RPS6KA2: variants seen among roughly 807,000 people sequenced by gnomAD.
The protein encoded by RPS6KA2 is ribosomal protein S6 kinase A2, also known as ribosomal protein S6 kinase alpha-2.
In RPS6KA2, 42 loss-of-function variants were observed where a neutral mutation model predicts 91.8. The ratio of observed to expected loss-of-function variants is 0.46; its 90% CI spans 0.36 to 0.59. RPS6KA2 has a LOEUF of 0.59. Ranked by LOEUF, RPS6KA2 falls within the 20% of genes least tolerant of loss-of-function variation. The probability of loss-of-function intolerance (pLI) is 0.00; values close to 1 mark genes in which losing one functional copy is unlikely to be tolerated. For missense variants in RPS6KA2, 798 were observed against 978.5 expected (o/e 0.82, Z 2.46); for synonymous variants, 414 against 393.6 (o/e 1.05, Z -0.61).
At chr6:166,771,161 G>A (rs891260244) in intron 2 of RPS6KA2, among the ~76,000 whole-genome samples, 2 of 152,122 alleles carry the variant, frequency 1.3e-5, no homozygotes, top group African/African-American at 4.8e-5. Flanking sequence ...TTAGCCAAAG[G>A]AAGTGATGGT....
At chr6:166,413,563 C>T (rs1205607186) in intron 20 of RPS6KA2, among the ~76,000 whole-genome samples, 1 of 152,198 alleles carries the variant, frequency 6.6e-6, no homozygotes, top group Non-Finnish European at 1.5e-5. Context: ...AACAGCCACA[C>T]CAGCTGCCAC....
intron 2 of RPS6KA2, among the ~76,000 whole-genome samples, chr6:166,824,056 G>C (rs1158840740): frequency 6.6e-6 from 1 of 151,834 alleles, no homozygotes; most frequent in Non-Finnish European, 1.5e-5. Flanking sequence ...GGTTGGTTGT[G>C]TATGTGTGTG....
chr6:166,605,653 G>C (rs1785927475), intron 1 of RPS6KA2, among the ~76,000 whole-genome samples: 1 of 152,186 alleles, frequency 6.6e-6, no homozygotes, highest in Non-Finnish European at 1.5e-5. Context: ...TAATGTGAAA[G>C]GGCCACGTGA....
intron 1 of RPS6KA2, among the ~76,000 whole-genome samples, chr6:166,614,340 A>G (rs1786317898): frequency 6.6e-6 from 1 of 152,124 alleles, no homozygotes; most frequent in African/African-American, 2.4e-5. Flanking sequence ...CGAGCCCTCT[A>G]TCGTAATACC....
chr6:166,838,535 C>G (rs969157338), intron 2 of RPS6KA2, among the ~76,000 whole-genome samples: 2 of 152,200 alleles, frequency 1.3e-5, no homozygotes, highest in African/African-American at 4.8e-5. Flanking sequence ...AGTCCACGTT[C>G]AAAGTCCCCC....
chr6:166,549,673 T>A (rs1175574660), intron 1 of RPS6KA2, among the ~76,000 whole-genome samples: 1 of 151,920 alleles, frequency 6.6e-6, no homozygotes, highest in East Asian at 1.9e-4. Context: ...TGTGTGTCCA[T>A]AAAAGGGTAC....
Position 166,508,035 on chromosome 6 carries a change from T to C in RPS6KA2, c.459+168A>G, listed in dbSNP as rs9459684. On this transcript the variant is annotated intron_variant, in intron 5 of 20. Coordinates refer to ENST00000265678, the MANE Select transcript of RPS6KA2 (RefSeq NM_021135.6). The surrounding 1 kb of genome is among the most constrained non-coding windows in gnomAD (Gnocchi z 4.3). ...TTGCACACACTCACACATGTACACC[T>C]CTCCCACACACGCACTCTTGCACAC... Among the ~76,000 whole-genome samples the C allele has an allele frequency of 0.26, 35,968 of 136,908 alleles. 4,643 individuals carry two copies. The highest frequency in any genetic ancestry group is 0.4 in the South Asian group (1,692 of 4,276). 89.8% of individuals were successfully genotyped at this position (136,908 alleles called of 152,430 possible). A position where few individuals can be genotyped will look rare whatever the true frequency, so the allele number is the denominator to read the frequency against.
intron 6 of RPS6KA2, 83 bp from the exon 7 acceptor site, chr6:166,501,007 G>A (rs546944375): frequency 1.3e-5 from 17 of 1,270,212 alleles, no homozygotes; most frequent in South Asian, 7.5e-5. Context: ...GGAGAGCTGC[G>A]GGGCAGCTGG....
At chr6:166,452,507 T>A (rs1457119279) in intron 12 of RPS6KA2, among the ~76,000 whole-genome samples, 2 of 152,162 alleles carry the variant, frequency 1.3e-5, no homozygotes, top group Non-Finnish European at 2.9e-5. Flanking sequence ...AGAGCCTGAA[T>A]AGCCAAAGCA....
chr6:166,462,235 G>C (rs959332052), intron 11 of RPS6KA2, among the ~76,000 whole-genome samples: 5 of 152,210 alleles, frequency 3.3e-5, no homozygotes, highest in Non-Finnish European at 7.3e-5. Flanking sequence ...CACTGTCCTT[G>C]GAACCCCTTC....
At chr6:166,759,934 T>C (rs1778122169) in intron 2 of RPS6KA2, among the ~76,000 whole-genome samples, 1 of 152,230 alleles carries the variant, frequency 6.6e-6, no homozygotes, top group South Asian at 2.1e-4. Flanking sequence ...AGGAGGACAA[T>C]ATAAAATATT....
At chr6:166,517,445 C>CTTTTTTTTTTTTTTT (rs1782684250) in intron 3 of RPS6KA2, among the ~76,000 whole-genome samples, 1 of 102,698 alleles carries the variant, frequency 9.7e-6, no homozygotes, top group African/African-American at 4.3e-5. Flanking sequence ...TTAAGGCGTT[C>CTTTTTTTTTTTTTTT]TTTTGTTTTG....
At chr6:166,688,442 GAGGGAGCTGGCCACGGGTGGC>G (rs1345442360) in intron 2 of RPS6KA2, among the ~76,000 whole-genome samples, 1 of 152,234 alleles carries the variant, frequency 6.6e-6, no homozygotes, top group Non-Finnish European at 1.5e-5. Flanking sequence ...TGCAGCTGCA[GAGGGAGCTGGCCACGGGTGGC>G]TGGGTTCACA....
At chr6:166,794,431 G>A (rs1042881649) in intron 2 of RPS6KA2, among the ~76,000 whole-genome samples, 9 of 152,038 alleles carry the variant, frequency 5.9e-5, no homozygotes, top group Admixed American at 1.3e-4. Context: ...TTCAACCATT[G>A]TGGAAGTCAG....
chr6:166,701,510 T>C (rs1789519542), intron 2 of RPS6KA2: 1 of 1,381,688 alleles, frequency 7.2e-7, no homozygotes, highest in South Asian at 1.2e-5. Context: ...ACTGGAGCAA[T>C]CTTACTTGAA....
intron 2 of RPS6KA2, among the ~76,000 whole-genome samples, chr6:166,675,199 TAAAAG>T (rs1457476001): frequency 1.3e-5 from 2 of 152,060 alleles, no homozygotes; most frequent in African/African-American, 4.8e-5. Context: ...GTCTTCTGCT[TAAAAG>T]AAAACAGGAC....
At chr6:166,750,135 C>T (rs1562418243) in intron 2 of RPS6KA2, among the ~76,000 whole-genome samples, 1 of 152,184 alleles carries the variant, frequency 6.6e-6, no homozygotes, top group Non-Finnish European at 1.5e-5. Flanking sequence ...CTTCCTGGAG[C>T]CCCACTCTGT....
At chr6:166,740,194 G>A (rs535329107) in intron 2 of RPS6KA2, among the ~76,000 whole-genome samples, 61 of 152,318 alleles carry the variant, frequency 4.0e-4, no homozygotes, top group Non-Finnish European at 8.4e-4. Context: ...CTACCTTGTG[G>A]TAGCTTCTGC....
At chr6:166,728,007 T>A (rs968599133) in intron 2 of RPS6KA2, among the ~76,000 whole-genome samples, 1 of 152,222 alleles carries the variant, frequency 6.6e-6, no homozygotes, top group African/African-American at 2.4e-5. Context: ...TTGTCATCAT[T>A]CCCTAAACAA....
Sources: gnomAD v4.1 joint callset for allele counts (sites outside exome capture counted in the v4.1 genomes callset) on GRCh38, gnomAD v4.1.1 for gene constraint, Gnocchi (gnomAD v3.1) non-coding constraint, MANE v1.5 for transcripts, NCBI Gene and HGNC (gene_info 2026-07-23, HGNC 2026-07-21) for gene names.